The following IFT74 variants were observed in gnomAD, a reference collection of about 807,000 sequenced individuals.
IFT74 encodes the protein intraflagellar transport protein 74 homolog.
Under a neutral mutation model 96.7 loss-of-function variants are expected in IFT74, and 92 were observed. That is an observed-to-expected ratio of 0.95 (90% CI 0.80 to 1.13). The LOEUF (loss-of-function observed/expected upper bound fraction) is 1.13. Among genes scored for constraint, IFT74 ranks in the 50% most tolerant of loss-of-function variants. The probability of loss-of-function intolerance (pLI) is 0.00; values close to 1 mark genes in which losing one functional copy is unlikely to be tolerated. For missense variants in IFT74, 811 were observed against 698.2 expected, an observed-to-expected ratio of 1.16 and a Z score of -1.82; for synonymous variants, 223 against 213.2, an observed-to-expected ratio of 1.05 and a Z score of -0.40.
chr9:27,007,320 C>T (rs1386562513), intron 8 of IFT74, among the ~76,000 whole-genome samples: 1 of 152,192 alleles, frequency 6.6e-6, no homozygotes, highest in African/African-American at 2.4e-5. Context: ...CATTAGTTCT[C>T]ATCTTCCTAC....
intron 3 of IFT74, 36 bp from the exon 4 acceptor site, chr9:26,980,535 G>A (rs1310885062): frequency 1.5e-5 from 21 of 1,403,588 alleles, no homozygotes; most frequent in Non-Finnish European, 1.8e-5. Flanking sequence ...GTGGCATTTC[G>A]AACTGAACAC....
At chr9:27,043,146 A>G (rs1290686696) in intron 13 of IFT74, among the ~76,000 whole-genome samples, 1 of 152,178 alleles carries the variant, frequency 6.6e-6, no homozygotes. Flanking sequence ...AGGGTTTCCT[A>G]TTGGTGCTGG....
chr9:26,961,543 G>T (rs1319374012), intron 1 of IFT74, among the ~76,000 whole-genome samples: 1 of 152,096 alleles, frequency 6.6e-6, no homozygotes, highest in African/African-American at 2.4e-5. Context: ...TCAAGATTCT[G>T]TTAAAGTTAA....
intron 8 of IFT74, among the ~76,000 whole-genome samples, chr9:27,004,199 T>C (rs1828655831): frequency 6.6e-6 from 1 of 152,238 alleles, no homozygotes; most frequent in Admixed American, 6.5e-5. Flanking sequence ...TATGGTTTTA[T>C]ATTTATTATC....
At chr9:26,965,937 A>G (rs1057136201) in intron 2 of IFT74, among the ~76,000 whole-genome samples, 1 of 152,044 alleles carries the variant, frequency 6.6e-6, no homozygotes, top group Non-Finnish European at 1.5e-5. Flanking sequence ...TCTGGTTCCA[A>G]CCATATTGCT....
chr9:27,066,080 A>G lies in IFT74; in HGVS notation c.*3344A>G, dbSNP rs1476603729. Among the ~76,000 whole-genome samples the G allele has an allele frequency of 6.6e-6, 1 of 152,126 alleles. No individual in the cohort carries two copies. The highest frequency in any genetic ancestry group is 1.5e-5 in the Non-Finnish European group (1 of 67,986). On this transcript the variant is annotated 3_prime_UTR_variant, in exon 20 of 20. Transcript: ENST00000380062. ...TATTTATGTCACACATATCTGTTTT[A>G]TTTATGTATTTATGCACCTTTAATT...
intron 8 of IFT74, among the ~76,000 whole-genome samples, chr9:26,992,374 C>T (rs910770667): frequency 6.6e-5 from 10 of 152,038 alleles, no homozygotes; most frequent in Non-Finnish European, 1.2e-4. Context: ...GTTCTCTTGT[C>T]TGTTTTAGGC....
At chr9:26,948,448 A>ATTATTATTATTATTTTT (rs1825819541) in intron 1 of IFT74, among the ~76,000 whole-genome samples, 3 of 59,162 alleles carry the variant, frequency 5.1e-5, no homozygotes, top group Non-Finnish European at 7.7e-5. Flanking sequence ...GCTTTCCATT[A>ATTATTATTATTATTTTT]TTTTTTTTTT....
chr9:26,974,708 T>C (rs1469079491), intron 2 of IFT74, among the ~76,000 whole-genome samples: 1 of 152,138 alleles, frequency 6.6e-6, no homozygotes, highest in Admixed American at 6.6e-5. Flanking sequence ...ATGCTTTTTT[T>C]CTCCTCCGAA....
intron 13 of IFT74, among the ~76,000 whole-genome samples, chr9:27,031,796 G>GTAAAA (rs925155071): frequency 1.8e-4 from 24 of 135,296 alleles, no homozygotes; most frequent in African/African-American, 5.9e-4. Context: ...AAAATAAAAT[G>GTAAAA]TAAAATAAAA....
chr9:27,049,630 A>C (rs1456643513), intron 16 of IFT74, among the ~76,000 whole-genome samples: 2 of 152,132 alleles, frequency 1.3e-5, no homozygotes, highest in Non-Finnish European at 2.9e-5. Flanking sequence ...TAAGAGGCTT[A>C]AAAAAATCTA....
intron 3 of IFT74, among the ~76,000 whole-genome samples, chr9:26,979,151 AT>A (rs10536892): frequency 0.011 from 1,693 of 148,106 alleles, 16 homozygotes; most frequent in African/African-American, 0.027. Context: ...AGAGACTTAA[AT>A]TTTTTTTTTT....
rs371989926 is a variant in IFT74, at chr9:27,010,476, CTTTTTTTTGTTTTT to C, written c.726+1336_726+1349del. ...CTGGTAACCATCATTCTACTACCCC[CTTTTTTTTGTTTTT>C]TTTTTTTTGTTTTTTTTGAGACGGA... On this transcript the variant is annotated intron_variant, in intron 9 of 19. Transcript: ENST00000380062. 8.0e-3 allele frequency among the ~76,000 whole-genome samples: 1,169 copies of C among 146,170 alleles called. 13 individuals carry two copies. The highest frequency in any genetic ancestry group is 0.027 in the African/African-American group (1,055 of 39,672).
In IFT74 at chr9:27,011,310, T is replaced by A. The variant is rs79898149; in HGVS notation, c.727-596T>A. 3.5e-3 allele frequency among the ~76,000 whole-genome samples: 532 copies of A among 152,232 alleles called. 1 individual carries two copies. The highest frequency in any genetic ancestry group is 0.017 in the Middle Eastern group (5 of 294). On this transcript the variant is annotated intron_variant, in intron 9 of 19. Transcript: ENST00000380062. Reference sequence around the variant, plus strand: ...CAAAATAGTACCAAAATATAGTTAATCTTGTATGGGATAATGAATGAGTAA... The same window carrying A: ...CAAAATAGTACCAAAATATAGTTAAACTTGTATGGGATAATGAATGAGTAA...
At chr9:27,021,481 C>T (rs1829600346) in intron 12 of IFT74, among the ~76,000 whole-genome samples, 1 of 152,164 alleles carries the variant, frequency 6.6e-6, no homozygotes, top group South Asian at 2.1e-4. Context: ...TTCACCACAT[C>T]CACACCAACA....
At chr9:26,972,963 C>T (rs1470855513) in intron 2 of IFT74, among the ~76,000 whole-genome samples, 1 of 152,158 alleles carries the variant, frequency 6.6e-6, no homozygotes, top group Non-Finnish European at 1.5e-5. Flanking sequence ...GGCATATTTG[C>T]TTTGGGACAA....
intron 2 of IFT74, among the ~76,000 whole-genome samples, chr9:26,968,461 C>T (rs1270275276): frequency 6.6e-6 from 1 of 152,054 alleles, no homozygotes; most frequent in Non-Finnish European, 1.5e-5. Context: ...TGGGTTTCAC[C>T]ATGTTGGTCA....
intron 13 of IFT74, among the ~76,000 whole-genome samples, chr9:27,037,093 A>G (rs10812516): frequency 0.31 from 47,674 of 151,636 alleles, 8,853 homozygotes; most frequent in East Asian, 0.78. Flanking sequence ...GGTGGTGGGC[A>G]CCTGTAATCC....
intron 1 of IFT74, among the ~76,000 whole-genome samples, chr9:26,950,137 C>A (rs147268234): frequency 0.012 from 1,827 of 152,132 alleles, 39 homozygotes; most frequent in African/African-American, 0.041. Flanking sequence ...ATGGTGAAAC[C>A]TTGTCTCTAC....
Sources: allele counts gnomAD v4.1 joint callset (sites outside exome capture counted in the v4.1 genomes callset), GRCh38; gene constraint gnomAD v4.1.1; transcripts MANE v1.5; gene names NCBI Gene and HGNC (gene_info 2026-07-23, HGNC 2026-07-21).